The following MGAT4C variants were observed in gnomAD, a reference collection of about 807,000 sequenced individuals.
MGAT4C encodes the protein alpha-1,3-mannosyl-glycoprotein 4-beta-N-acetylglucosaminyltransferase C.
In MGAT4C, 19 loss-of-function variants were observed where a neutral mutation model predicts 40.1. That is an observed-to-expected ratio of 0.47 (90% CI 0.33 to 0.70). The LOEUF is 0.70. MGAT4C is among the 30% of genes least tolerant of loss of function. The pLI, the probability that MGAT4C is intolerant of heterozygous loss-of-function variation, is 0.02. For missense variants in MGAT4C, 491 were observed against 563.2 expected, an observed-to-expected ratio of 0.87 and a Z score of 1.30; for synonymous variants, 181 against 187.1, an observed-to-expected ratio of 0.97 and a Z score of 0.27.
upstream of MGAT4C, among the ~76,000 whole-genome samples, chr12:86,259,021 T>G (rs1256802257): frequency 1.3e-5 from 2 of 151,924 alleles, no homozygotes; most frequent in South Asian, 2.1e-4. Flanking sequence ...CTCAGGAACA[T>G]TCAGATAAAT....
intron 3 of MGAT4C, among the ~76,000 whole-genome samples, chr12:86,342,972 CAT>C: frequency 6.6e-6 from 1 of 151,388 alleles, no homozygotes; most frequent in Non-Finnish European, 1.5e-5. Context: ...AGGGTAGAAA[CAT>C]AAGTAATTCA....
intron 2 of MGAT4C, among the ~76,000 whole-genome samples, chr12:86,512,230 C>A (rs1310340763): frequency 2.6e-5 from 4 of 152,058 alleles, no homozygotes; most frequent in Non-Finnish European, 5.9e-5. Flanking sequence ...TATCACCTTA[C>A]ACCTGTTAGG....
intron 2 of MGAT4C, among the ~76,000 whole-genome samples, chr12:86,565,063 C>T (rs1001841245): frequency 6.6e-6 from 1 of 152,138 alleles, no homozygotes; most frequent in African/African-American, 2.4e-5. Context: ...AGCTCTTGGC[C>T]TGTTACTGCG....
At position 86,835,574 on chromosome 12, in the gene MGAT4C, T is replaced by C. The variant is rs74713943; in HGVS notation, c.-262+3092A>G. Among the ~76,000 whole-genome samples, 1,515 of 152,096 alleles carry C rather than the reference T, an allele frequency of 1.0e-2. 23 individuals are homozygous for C. The highest frequency in any genetic ancestry group is 0.035 in the African/African-American group (1,435 of 41,526). ...GAGCAAGAGGATTTATTGTCTTGTC[T>C]TCTATTTCCATATCCTTTGGGAAAA... On this transcript the variant is annotated intron_variant, in intron 1 of 7. Transcript: ENST00000548651.
chr12:86,401,050 G>C (rs1208876973), intron 3 of MGAT4C, among the ~76,000 whole-genome samples: 7 of 151,916 alleles, frequency 4.6e-5, no homozygotes, highest in Non-Finnish European at 8.8e-5. Flanking sequence ...TATTTATAAA[G>C]AAATGGCTGT....
At chr12:86,124,492 G>A (rs1217284097) in intron 1 of MGAT4C, among the ~76,000 whole-genome samples, 1 of 152,140 alleles carries the variant, frequency 6.6e-6, no homozygotes, top group Non-Finnish European at 1.5e-5. Context: ...TAAAGTATGA[G>A]GTTTTGTTTG....
At chr12:86,585,448 T>C (rs997710585) in intron 2 of MGAT4C, among the ~76,000 whole-genome samples, 2 of 151,470 alleles carry the variant, frequency 1.3e-5, no homozygotes, top group Non-Finnish European at 3.0e-5. Flanking sequence ...TTTTACAAAA[T>C]GATACTATAA....
intron 4 of MGAT4C, among the ~76,000 whole-genome samples, chr12:86,286,759 C>A (rs1423001563): frequency 6.6e-6 from 1 of 150,572 alleles, no homozygotes; most frequent in Non-Finnish European, 1.5e-5. Context: ...CCCTTGTAGG[C>A]CCTGGTGTCT....
chr12:86,031,058 C>G (rs146081402), intron 2 of MGAT4C, among the ~76,000 whole-genome samples: 1 of 151,854 alleles, frequency 6.6e-6, no homozygotes, highest in Non-Finnish European at 1.5e-5. Context: ...GATTGACATT[C>G]TGTCTCAAAC....
At chr12:86,011,529 C>G (rs1366902308) in intron 2 of MGAT4C, among the ~76,000 whole-genome samples, 3 of 152,068 alleles carry the variant, frequency 2.0e-5, no homozygotes, top group South Asian at 2.1e-4. Flanking sequence ...AATATTACAA[C>G]AGAGGAGAGA....
intron 3 of MGAT4C, among the ~76,000 whole-genome samples, chr12:86,405,584 C>A (rs1956448415): frequency 6.6e-6 from 1 of 151,840 alleles, no homozygotes; most frequent in Admixed American, 6.6e-5. Context: ...TAAAGCAATT[C>A]TTATCACAAT....
intron 1 of MGAT4C, among the ~76,000 whole-genome samples, chr12:86,151,543 C>T (rs1029849437): frequency 5.3e-5 from 8 of 151,590 alleles, no homozygotes; most frequent in Admixed American, 3.9e-4. Flanking sequence ...AACCCGGAGG[C>T]GGAGCTTGCA....
intron 1 of MGAT4C, among the ~76,000 whole-genome samples, chr12:86,244,489 T>C (rs1045242882): frequency 1.3e-5 from 2 of 152,238 alleles, no homozygotes; most frequent in African/African-American, 4.8e-5. Context: ...TTTCAGATTA[T>C]GGCTCCCTAA....
chr12:86,307,785 C>G (rs962940555), intron 4 of MGAT4C, among the ~76,000 whole-genome samples: 1 of 150,120 alleles, frequency 6.7e-6, no homozygotes, highest in Non-Finnish European at 1.5e-5. Context: ...TCGCTGCAAG[C>G]TCCACCTCCC....
intron 3 of MGAT4C, among the ~76,000 whole-genome samples, chr12:85,988,701 T>G (rs982302704): frequency 1.3e-5 from 2 of 152,076 alleles, no homozygotes; most frequent in East Asian, 3.9e-4. Context: ...AGAAAAAAAT[T>G]GAAACTAACA....
chr12:86,197,220 C>G (rs1949849598), intron 1 of MGAT4C, among the ~76,000 whole-genome samples: 1 of 152,136 alleles, frequency 6.6e-6, no homozygotes, highest in Non-Finnish European at 1.5e-5. Context: ...CCAGAAGCAC[C>G]TTTGTTCATG....
intron 4 of MGAT4C, among the ~76,000 whole-genome samples, chr12:85,981,827 T>C (rs563925520): frequency 6.6e-6 from 1 of 152,268 alleles, no homozygotes; most frequent in African/African-American, 2.4e-5. Context: ...CTGTGTTACA[T>C]TGCCTCTGGT....
chr12:86,285,664 G>C (rs2136122736), intron 4 of MGAT4C, among the ~76,000 whole-genome samples: 1 of 125,702 alleles, frequency 8.0e-6, no homozygotes, highest in East Asian at 2.5e-4. Context: ...TACTATATGT[G>C]CTCAAAAGTC....
At chr12:86,360,534 G>C (rs1955438789) in intron 3 of MGAT4C, among the ~76,000 whole-genome samples, 1 of 152,138 alleles carries the variant, frequency 6.6e-6, no homozygotes, top group Non-Finnish European at 1.5e-5. Context: ...TAGGAAAAGA[G>C]GAAGTCAAAT....
Sources: gnomAD v4.1 joint callset for allele counts (sites outside exome capture counted in the v4.1 genomes callset) on GRCh38, gnomAD v4.1.1 for gene constraint, MANE v1.5 for transcripts, NCBI Gene and HGNC (gene_info 2026-07-23, HGNC 2026-07-21) for gene names.